The following ST18 variants were observed in gnomAD, a reference collection of about 807,000 sequenced individuals.
The protein encoded by ST18 is suppression of tumorigenicity 18 protein.
A neutral mutation model predicts 110.0 loss-of-function variants in ST18; 50 were observed. That is an observed-to-expected ratio of 0.45 (90% confidence interval 0.36 to 0.58). ST18 has a LOEUF of 0.58. Ranked by LOEUF, ST18 falls within the 20% of genes least tolerant of loss-of-function variation. ST18 has a pLI of 0.00. For synonymous variants in ST18, 461 were observed against 452.4 expected (o/e 1.02, Z -0.24); for missense variants, 1,306 against 1,280.1 (o/e 1.02, Z -0.31).
intron 2 of ST18, among the ~76,000 whole-genome samples, chr8:52,277,323 C>G (rs529666719): frequency 1.3e-5 from 2 of 152,330 alleles, no homozygotes; most frequent in South Asian, 4.1e-4. Flanking sequence ...TGGGTGACAT[C>G]ATAAACCACC....
intron 2 of ST18, among the ~76,000 whole-genome samples, chr8:52,353,230 G>A (rs1169699931): frequency 6.6e-6 from 1 of 152,110 alleles, no homozygotes; most frequent in Non-Finnish European, 1.5e-5. Flanking sequence ...ATTTAATAAT[G>A]TACCTCACAC....
At chr8:52,163,517 T>C (rs1176052586) in intron 13 of ST18, among the ~76,000 whole-genome samples, 2 of 152,150 alleles carry the variant, frequency 1.3e-5, no homozygotes, top group African/African-American at 2.4e-5. Context: ...TAGCTGTCAA[T>C]CATGGAATGA....
At chr8:52,333,593 G>A (rs1810634317) in intron 2 of ST18, among the ~76,000 whole-genome samples, 1 of 152,188 alleles carries the variant, frequency 6.6e-6, no homozygotes, top group South Asian at 2.1e-4. Flanking sequence ...AAAGAAAACT[G>A]GGGTGGGGGC....
At chr8:52,225,733 T>A (rs1242319271) in intron 3 of ST18, among the ~76,000 whole-genome samples, 3 of 152,222 alleles carry the variant, frequency 2.0e-5, no homozygotes, top group Non-Finnish European at 4.4e-5. Context: ...TATCTCTGCA[T>A]AATAAACTGT....
In ST18 at chr8:52,177,603, G is replaced by A. The variant is rs1386930518; in HGVS notation, c.277+2519C>T. Among the ~76,000 whole-genome samples, 6 of 152,168 alleles carry A rather than the reference G, an allele frequency of 3.9e-5. No individual in the cohort carries two copies. In the East Asian group the frequency reaches 1.2e-3, roughly 29 times the overall value. The stretch of plus-strand genomic sequence containing the variant: ...ATCTTTGTTCTTTTGACCAGGCATG[G>A]GGCCTGCCATTACTGGAAACTGTGA... On this transcript the variant is annotated intron_variant, in intron 9 of 25. Coordinates refer to ENST00000689386, the MANE Select transcript of ST18 (RefSeq NM_001352837.2).
intron 2 of ST18, among the ~76,000 whole-genome samples, chr8:52,250,717 G>T (rs1374211815): frequency 6.6e-6 from 1 of 151,186 alleles, no homozygotes; most frequent in African/African-American, 2.4e-5. Flanking sequence ...CTTACTTTCA[G>T]GGATATTCTT....
intron 2 of ST18, among the ~76,000 whole-genome samples, chr8:52,365,665 C>T (rs901163653): frequency 1.3e-5 from 2 of 151,256 alleles, no homozygotes; most frequent in Non-Finnish European, 2.9e-5. Flanking sequence ...ATATTTTATA[C>T]TTAATCAAGT....
chr8:52,381,967 T>TAA (rs33953466), intron 2 of ST18, among the ~76,000 whole-genome samples: 2,302 of 47,178 alleles, frequency 0.049, 72 homozygotes, highest in African/African-American at 0.071. Context: ...TATGCTGCAT[T>TAA]AAAAAACAAA....
chr8:52,343,084 C>G (rs1388173432), intron 2 of ST18, among the ~76,000 whole-genome samples: 5 of 152,044 alleles, frequency 3.3e-5, no homozygotes, highest in African/African-American at 1.2e-4. Flanking sequence ...CAAGCAGGTG[C>G]AGCGTTTGTC....
intron 2 of ST18, among the ~76,000 whole-genome samples, chr8:52,341,804 G>C (rs1290876117): frequency 1.3e-5 from 2 of 152,156 alleles, no homozygotes; most frequent in Non-Finnish European, 2.9e-5. Context: ...TGTACTGTCG[G>C]ACACAGAGCA....
At chr8:52,159,527 G>GA (rs1220773491) in intron 14 of ST18, among the ~76,000 whole-genome samples, 2 of 150,566 alleles carry the variant, frequency 1.3e-5, no homozygotes, top group East Asian at 3.9e-4. Context: ...TCCAGTGGCG[G>GA]AAAAAAAAAT....
chr8:52,205,567 T>C lies in ST18; in HGVS notation c.86+6512A>G, dbSNP rs1204290020. ...AAAAAAATTTTTTTAATTTTAATTT[T>C]ATTTGTATTTTATTTTTGATGGAGT... On this transcript the variant is annotated intron_variant, in intron 8 of 25. Coordinates refer to ENST00000689386, the MANE Select transcript of ST18 (RefSeq NM_001352837.2). Among the ~76,000 whole-genome samples, 4 of 152,270 alleles carry C rather than the reference T, an allele frequency of 2.6e-5. No homozygotes were observed. In the East Asian group the frequency reaches 7.7e-4, roughly 29 times the overall value.
At chr8:52,288,748 C>T (rs1176538396) in intron 2 of ST18, among the ~76,000 whole-genome samples, 2 of 151,196 alleles carry the variant, frequency 1.3e-5, no homozygotes, top group Admixed American at 6.6e-5. Flanking sequence ...TTAATGTCAC[C>T]AGAAAACTTT....
At chr8:52,178,693 A>G (rs542782270) in intron 9 of ST18, among the ~76,000 whole-genome samples, 116 of 151,306 alleles carry the variant, frequency 7.7e-4, no homozygotes, top group Non-Finnish European at 1.3e-3. Flanking sequence ...CAAAACAACA[A>G]CAACAACAAA....
At chr8:52,134,895 T>G (rs1461852395) in intron 19 of ST18, among the ~76,000 whole-genome samples, 1 of 152,192 alleles carries the variant, frequency 6.6e-6, no homozygotes, top group Admixed American at 6.5e-5. Flanking sequence ...TTTTCTTGCA[T>G]GGAAGAAATT....
intron 7 of ST18, among the ~76,000 whole-genome samples, chr8:52,213,337 T>C (rs2082893996): frequency 1.3e-5 from 2 of 151,950 alleles, no homozygotes; most frequent in African/African-American, 2.4e-5. Context: ...CAAATATAGA[T>C]AACGAAAGCA....
intron 12 of ST18, among the ~76,000 whole-genome samples, chr8:52,164,725 C>G (rs4552917): frequency 0.27 from 40,743 of 152,106 alleles, 7,651 homozygotes; most frequent in African/African-American, 0.54. Flanking sequence ...TTTATAGTTA[C>G]AACCATTGAA....
chr8:52,373,747 C>T (rs959715723), intron 2 of ST18, among the ~76,000 whole-genome samples: 3 of 152,092 alleles, frequency 2.0e-5, no homozygotes, highest in Non-Finnish European at 4.4e-5. Context: ...CTTATATATG[C>T]CCCCAACTCT....
Position 52,164,415 on chromosome 8 carries a change from C to T in ST18, c.1296-325G>A, listed in dbSNP as rs536803274. Among the ~76,000 whole-genome samples the T allele has an allele frequency of 1.2e-3, 181 of 152,274 alleles. 2 individuals are homozygous for T. Among genetic ancestry groups the T allele is most frequent in the South Asian group, 7.7e-3 (37 of 4,816 alleles). On this transcript the variant is annotated intron_variant, in intron 12 of 25. Coordinates refer to ENST00000689386, the MANE Select transcript of ST18 (RefSeq NM_001352837.2). ...CATTCCAATTGCAATGTATCCAACT[C>T]GAGAAGTTAGCATAACTCCTTGACT...
Sources: gnomAD v4.1 joint callset for allele counts (sites outside exome capture counted in the v4.1 genomes callset) on GRCh38, gnomAD v4.1.1 for gene constraint, MANE v1.5 for transcripts, NCBI Gene and HGNC (gene_info 2026-07-23, HGNC 2026-07-21) for gene names.